Variants in ARHGAP40 observed in about 807,000 individuals in gnomAD.
ARHGAP40 encodes rho GTPase-activating protein 40.
A neutral mutation model predicts 73.5 loss-of-function variants in ARHGAP40; 43 were observed. The ratio of observed to expected loss-of-function variants is 0.58; its 90% confidence interval spans 0.46 to 0.75. The LOEUF is 0.75. ARHGAP40 is among the 30% of genes least tolerant of loss of function. The pLI is 0.00. For missense variants in ARHGAP40, 734 were observed against 861.8 expected (o/e 0.85, Z 1.86); for synonymous variants, 300 against 352.8 (o/e 0.85, Z 1.68).
intron 1 of ARHGAP40, among the ~76,000 whole-genome samples, chr20:38,620,162 G>A (rs1024432976): frequency 3.9e-5 from 6 of 152,342 alleles, no homozygotes; most frequent in African/African-American, 7.2e-5. Flanking sequence ...TGGAGGCCAC[G>A]CTGTATACTT....
intron 1 of ARHGAP40, 104 bp from the exon 2 acceptor site, chr20:38,623,255 C>T: frequency 1.1e-6 from 1 of 919,400 alleles, no homozygotes; most frequent in Non-Finnish European, 1.4e-6. Flanking sequence ...CTTGCTTAGC[C>T]CCCAGGGGCC....
intron 5 of ARHGAP40, among the ~76,000 whole-genome samples, chr20:38,632,255 C>T (rs1292305436): frequency 6.8e-6 from 1 of 147,814 alleles, no homozygotes; most frequent in Non-Finnish European, 1.5e-5. Flanking sequence ...TGAGCCACTG[C>T]ACCCGGCCTA....
At chr20:38,641,701 G>C (rs2089019151) in intron 9 of ARHGAP40, 25 bp from the exon 10 acceptor site, 1 of 1,292,328 alleles carries the variant, frequency 7.7e-7, no homozygotes, top group Non-Finnish European at 1.0e-6. Context: ...CTCCCATGGA[G>C]ACTGAGGTCC....
At chr20:38,628,905 G>T (rs1312368065) in intron 3 of ARHGAP40, 22 bp from the exon 4 acceptor site, 5 of 1,298,746 alleles carry the variant, frequency 3.8e-6, no homozygotes, top group Non-Finnish European at 5.1e-6. Context: ...GAGTAATTGG[G>T]CACTGTCTGT....
At chr20:38,640,409 C>T (rs1190164854) in intron 9 of ARHGAP40, among the ~76,000 whole-genome samples, 1 of 151,694 alleles carries the variant, frequency 6.6e-6, no homozygotes, top group East Asian at 1.9e-4. Context: ...TTTGTAGTGA[C>T]GGGGGTCTCG....
chr20:38,614,956 G>A, intron 1 of ARHGAP40: 1 of 1,257,046 alleles, frequency 8.0e-7, no homozygotes. Flanking sequence ...CTGGAGGTTT[G>A]TGCGAGTTTG....
chr20:38,610,568 T>C (rs6026794), intron 1 of ARHGAP40, among the ~76,000 whole-genome samples: 132,070 of 152,248 alleles, frequency 0.87, 57,792 homozygotes, highest in East Asian at 0.95. Context: ...GGCAAAGACA[T>C]AACTCAAAGC....
chr20:38,647,177 T>C (rs2089059862), intron 13 of ARHGAP40, 51 bp downstream of exon 13: 1 of 1,272,332 alleles, frequency 7.9e-7, no homozygotes, highest in African/African-American at 1.5e-5. Context: ...GGGAGGGCTC[T>C]GCACCCCAGA....
Position 38,649,825 on chromosome 20 carries a change from G to A in ARHGAP40, c.2005G>A (p.Val669Ile). The change falls in exon 15 of 15, where the codon GTC becomes ATC. Residue 669 changes from valine (V) to isoleucine (I), a missense_variant. By Grantham distance (29) the Val-to-Ile change is conservative. Transcript: ENST00000373345. ...CCGTGCCAACCCGCATGGTGAGTGG[G>A]TCCTTAAACAGAACCCCACCTAAAC... The A allele has an allele frequency of 7.7e-7, 1 of 1,305,284 alleles. No individual in the cohort carries two copies. The highest frequency in any genetic ancestry group is 1.0e-6 in the Non-Finnish European group (1 of 988,936). The allele number at this position is 1,305,284 out of a possible 1,614,324, so 80.9% of individuals were successfully genotyped here. A position where few individuals can be genotyped will look rare whatever the true frequency, so the allele number is the denominator to read the frequency against.
chr20:38,616,682 G>C (rs1047085377), intron 1 of ARHGAP40, among the ~76,000 whole-genome samples: 1 of 152,196 alleles, frequency 6.6e-6, no homozygotes, highest in Non-Finnish European at 1.5e-5. Flanking sequence ...TGTGAAATGG[G>C]ATGATAAGAA....
chr20:38,607,114 C>G (rs2088774945), intron 1 of ARHGAP40, among the ~76,000 whole-genome samples: 1 of 152,166 alleles, frequency 6.6e-6, no homozygotes, highest in African/African-American at 2.4e-5. Flanking sequence ...TGTCAGATAT[C>G]AGTGGTCAAA....
At chr20:38,615,033 T>G in intron 1 of ARHGAP40, 1 of 1,131,228 alleles carries the variant, frequency 8.8e-7, no homozygotes, top group Non-Finnish European at 1.4e-6. Flanking sequence ...GGTCAAGTTA[T>G]CCGGCTTGGC....
chr20:38,606,288 A>G (rs781081396), intron 1 of ARHGAP40, among the ~76,000 whole-genome samples: 1 of 152,242 alleles, frequency 6.6e-6, no homozygotes, highest in Non-Finnish European at 1.5e-5. Context: ...ATTATAAACT[A>G]TACTGCAATG....
intron 1 of ARHGAP40, among the ~76,000 whole-genome samples, chr20:38,605,734 C>T (rs1279470583): frequency 6.6e-6 from 1 of 152,196 alleles, no homozygotes; most frequent in Non-Finnish European, 1.5e-5. Context: ...TAAATATTTA[C>T]ATACATGTAT....
rs1308364530 is a variant in ARHGAP40 at position 38,627,410 on chromosome 20, GTGTGTTGGGGGTGTGTGTGTTGTC to G, written c.558+218_558+241del. On this transcript the variant is annotated intron_variant, in intron 3 of 14. Coordinates refer to ENST00000373345, the Ensembl canonical transcript of ARHGAP40. ...TTGGGGTGTGTGTGTGTTGGGGTAT[GTGTGTTGGGGGTGTGTGTGTTGTC>G]TGTGTTGGGGGTGTGTGTGTTGGTG... Among the ~76,000 whole-genome samples, 19 of 122,566 alleles carry G rather than the reference GTGTGTTGGGGGTGTGTGTGTTGTC, an allele frequency of 1.6e-4. No individual in the cohort carries two copies. In the South Asian group the frequency reaches 4.5e-3, roughly 29 times the overall value. The allele number at this position is 122,566 out of a possible 152,430, so 80.4% of individuals were successfully genotyped here. A position where few individuals can be genotyped will look rare whatever the true frequency, so the allele number is the denominator to read the frequency against.
chr20:38,633,159 C>A (rs1054523488), intron 5 of ARHGAP40, among the ~76,000 whole-genome samples: 7 of 151,742 alleles, frequency 4.6e-5, no homozygotes, highest in African/African-American at 1.7e-4. Flanking sequence ...GTGGTGTGTG[C>A]CCGTAATCTT....
intron 8 of ARHGAP40, 92 bp from the exon 9 acceptor site, chr20:38,639,135 G>A: frequency 8.1e-7 from 1 of 1,228,902 alleles, no homozygotes; most frequent in South Asian, 1.3e-5. Context: ...TCCCCACTTT[G>A]CAGATGAGGA....
chr20:38,639,807 G>A (rs912426362), intron 9 of ARHGAP40, among the ~76,000 whole-genome samples: 6 of 152,324 alleles, frequency 3.9e-5, no homozygotes, highest in Admixed American at 6.5e-5. Flanking sequence ...TGTGTTGCAC[G>A]GACCTTGCTG....
intron 1 of ARHGAP40, among the ~76,000 whole-genome samples, chr20:38,606,097 G>A (rs1222988853): frequency 1.3e-5 from 2 of 152,096 alleles, no homozygotes; most frequent in Non-Finnish European, 2.9e-5. Flanking sequence ...CTGGACTCAA[G>A]CAATCCTCCT....
Sources: gnomAD v4.1 joint callset for allele counts (sites outside exome capture counted in the v4.1 genomes callset) on GRCh38, gnomAD v4.1.1 for gene constraint, MANE v1.5 for transcripts, NCBI Gene and HGNC (gene_info 2026-07-23, HGNC 2026-07-21) for gene names.